PPIL2: variants seen among roughly 807,000 people sequenced by gnomAD.
PPIL2 encodes peptidylprolyl isomerase like 2, also known as RING-type E3 ubiquitin-protein ligase PPIL2.
A neutral mutation model predicts 75.2 loss-of-function variants in PPIL2; 50 were observed. That is an observed-to-expected ratio of 0.66 (90% confidence interval 0.53 to 0.84). The LOEUF is 0.84. Ranked by LOEUF, PPIL2 falls within the 40% of genes least tolerant of loss-of-function variation. The pLI, the probability that PPIL2 is intolerant of heterozygous loss-of-function variation, is 0.00. For synonymous variants in PPIL2, 245 were observed against 258.8 expected (o/e 0.95, Z 0.51); for missense variants, 590 against 685.0 (o/e 0.86, Z 1.55).
rs1215883724 is a variant in PPIL2 at position 21,671,189 on chromosome 22, GGCAGCAATGCT to G, written c.191+133_191+143del. ...GTAACAGCTAGGGCCTTGGGGACATGGCAGCAATGCTGCTGTGACCCTTGGGCAGGCAGCTC... is the reference window on the plus strand; with the variant it reads ...GTAACAGCTAGGGCCTTGGGGACATGGCTGTGACCCTTGGGCAGGCAGCTC... On this transcript the variant is annotated intron_variant, in intron 4 of 19. Coordinates refer to ENST00000398831, the MANE Select transcript of PPIL2 (RefSeq NM_014337.4). 1.4e-5 allele frequency: 13 copies of G among 899,072 alleles called. No homozygotes were observed. The African/African-American group carries it at 1.6e-4, about 11-fold the overall frequency. The allele number at this position is 899,072 out of a possible 1,614,324, so 55.7% of individuals were successfully genotyped here.
chr22:21,667,233 C>G (rs906419615), intron 1 of PPIL2, among the ~76,000 whole-genome samples: 2 of 149,376 alleles, frequency 1.3e-5, no homozygotes, highest in East Asian at 2.0e-4. Flanking sequence ...CTTGGCTCAC[C>G]GCAACCTCCG....
At position 21,696,988 on chromosome 22, in the gene PPIL2, C is replaced by A; in HGVS notation, c.*1498C>A. ...AGAACAAGAACTGCGCCATGGCTGGCTCCTTCTCTTCTCCAGCCCATCCCT... is the reference window on the plus strand; with the variant it reads ...AGAACAAGAACTGCGCCATGGCTGGATCCTTCTCTTCTCCAGCCCATCCCT... On this transcript the variant is annotated 3_prime_UTR_variant, in exon 20 of 20. Coordinates refer to ENST00000398831, the MANE Select transcript of PPIL2 (RefSeq NM_014337.4). 1 of 1,552,562 alleles carries A rather than the reference C, an allele frequency of 6.4e-7. No homozygotes were observed. Among genetic ancestry groups the A allele is most frequent in the Non-Finnish European group, 8.7e-7 (1 of 1,148,322 alleles).
At chr22:21,684,630 C>T in intron 9 of PPIL2, 123 bp from the exon 10 acceptor site, 3 of 1,239,174 alleles carry the variant, frequency 2.4e-6, no homozygotes, top group South Asian at 1.6e-5. Flanking sequence ...CTGTGGCTGG[C>T]AGTGGCACGG....
intron 6 of PPIL2, among the ~76,000 whole-genome samples, chr22:21,680,480 G>A (rs1204611989): frequency 6.6e-6 from 1 of 152,098 alleles, no homozygotes; most frequent in Non-Finnish European, 1.5e-5. Flanking sequence ...GCAGTGAGCC[G>A]AGATCACGCT....
In PPIL2 at chr22:21,692,304, C is replaced by A. The variant is rs569794035; in HGVS notation, c.1140-1512C>A. ...CCTAGTAGCTGGGACTACAGGCGCC[C>A]GCCACACGCCTGGCTAATTTTTTGT... is the stretch of plus-strand genomic sequence containing the variant. On this transcript the variant is annotated intron_variant, in intron 15 of 19. Transcript: ENST00000398831. 5.5e-4 allele frequency among the ~76,000 whole-genome samples: 83 copies of A among 152,038 alleles called. 2 individuals carry two copies. In the South Asian group the frequency reaches 0.012, roughly 21 times the overall value.
chr22:21,676,812 C>A (rs919470053), intron 6 of PPIL2, among the ~76,000 whole-genome samples: 1 of 152,208 alleles, frequency 6.6e-6, no homozygotes, highest in African/African-American at 2.4e-5. Flanking sequence ...CCACATTTCC[C>A]CCTTTTCTAT....
Position 21,684,905 on chromosome 22 carries a change from C to T in PPIL2, c.706C>T (p.Leu236=). ...KAPEKKKVDK[L]NAAHYSTGKV... is the part of the protein sequence containing the mutation. ...CCCGGAGAAGAAGAAAGTGGACAAG[C>T]TGAACGCTGTGAGTGGCGGAGGGCA... Residue 236 remains leucine (L), a synonymous_variant, in exon 10 of 20, where the codon CTG becomes TTG. Transcript: ENST00000398831. The T allele has an allele frequency of 1.2e-6, 2 of 1,613,966 alleles. No homozygotes were observed. The highest frequency in any genetic ancestry group is 1.7e-6 in the Non-Finnish European group (2 of 1,179,858).
intron 9 of PPIL2, 77 bp from the exon 10 acceptor site, chr22:21,684,676 T>C (rs1393309701): frequency 6.4e-7 from 1 of 1,555,958 alleles, no homozygotes; most frequent in Admixed American, 1.9e-5. Flanking sequence ...TGGGCTATTC[T>C]AGATCTGTGT....
In PPIL2 at chr22:21,695,006, G is replaced by C; in HGVS notation, c.1402G>C (p.Ala468Pro). 1 of 1,613,536 alleles carries C rather than the reference G, an allele frequency of 6.2e-7. No individual in the cohort carries two copies. Among genetic ancestry groups the C allele is most frequent in the South Asian group, 1.1e-5 (1 of 91,090 alleles). ...ETKVKSSQPQ[A>P]GSQGPQTFRQ... is the part of the protein sequence containing the mutation. ...CAAAGTGAAGAGCAGCCAGCCCCAGGCAGGGAGCCAGGGCCCCCAGACCTT... is the reference window on the plus strand; with the variant it reads ...CAAAGTGAAGAGCAGCCAGCCCCAGCCAGGGAGCCAGGGCCCCCAGACCTT... The change falls in exon 19 of 20, where the codon GCA becomes CCA. Residue 468 changes from alanine (A) to proline (P), a missense_variant. Ala to Pro is a conservative substitution (Grantham distance 27). Transcript: ENST00000398831.
chr22:21,670,761 C>T lies in PPIL2; in HGVS notation c.128+150C>T, dbSNP rs1601508427. 2.2e-5 allele frequency: 21 copies of T among 963,518 alleles called. No homozygotes were observed. In the South Asian group the frequency reaches 2.7e-4, roughly 12 times the overall value. The allele number at this position is 963,518 out of a possible 1,614,324, so 59.7% of individuals were successfully genotyped here. On this transcript the variant is annotated intron_variant, in intron 3 of 19. Transcript: ENST00000398831. ...TCATGTTGGGAGAAGATGCAGAGTCCTCGTCATGATGTTAGGAGCTTGCCT... is the reference window on the plus strand; with the variant it reads ...TCATGTTGGGAGAAGATGCAGAGTCTTCGTCATGATGTTAGGAGCTTGCCT...
intron 15 of PPIL2, among the ~76,000 whole-genome samples, chr22:21,693,504 C>G (rs535877169): frequency 6.6e-6 from 1 of 152,372 alleles, no homozygotes; most frequent in South Asian, 2.1e-4. Context: ...GTCCCCTCGT[C>G]CCAGCCACCT....
At chr22:21,673,516 C>G (rs560576887) in intron 5 of PPIL2, 15 of 152,482 alleles carry the variant, frequency 9.8e-5, no homozygotes, top group African/African-American at 3.6e-4. Flanking sequence ...TTCACAGGTA[C>G]TCTTTGGGGT....
chr22:21,670,133 G>C, intron 2 of PPIL2, 171 bp downstream of exon 2: 1 of 876,174 alleles, frequency 1.1e-6, no homozygotes, highest in Non-Finnish European at 1.7e-6. Flanking sequence ...AGAAGAACCT[G>C]CTTCATCTTA....
intron 19 of PPIL2, 161 bp downstream of exon 19, chr22:21,695,231 C>T (rs2067869546): frequency 7.5e-7 from 1 of 1,331,920 alleles, no homozygotes; most frequent in Non-Finnish European, 1.0e-6. Flanking sequence ...CCTCTGAAGG[C>T]CTGGCCGGGG....
chr22:21,676,586 A>G (rs1011115207), intron 6 of PPIL2, among the ~76,000 whole-genome samples: 2 of 151,848 alleles, frequency 1.3e-5, no homozygotes, highest in East Asian at 1.9e-4. Context: ...GCTGCCTTCA[A>G]GCATCTGTTT....
chr22:21,670,002 G>C (rs778104711), intron 2 of PPIL2, 40 bp downstream of exon 2: 1 of 1,576,302 alleles, frequency 6.3e-7, no homozygotes, highest in Admixed American at 1.7e-5. Context: ...TGGGGGAGTG[G>C]TATTAAGGAA....
chr22:21,686,538 C>A lies in PPIL2; in HGVS notation c.770C>A (p.Pro257Gln). 1.2e-6 allele frequency: 2 copies of A among 1,614,140 alleles called. No homozygotes were observed. The highest frequency in any genetic ancestry group is 1.7e-6 in the Non-Finnish European group (2 of 1,179,998). The change falls in exon 11 of 20, where the codon CCG becomes CAG. Residue 257 changes from proline to glutamine, a missense_variant. Physicochemically the swap from Pro to Gln is moderately conservative, Grantham distance 76. Transcript: ENST00000398831. ...SASFTSTAMV[P>Q]ETTHEAAAID... ...TCCTTCACCTCCACCGCGATGGTCCCGGAGACCACACATGAAGCAGGTAGC... is the reference window on the plus strand; with the variant it reads ...TCCTTCACCTCCACCGCGATGGTCCAGGAGACCACACATGAAGCAGGTAGC...
chr22:21,686,294 A>G (rs1328690673), intron 10 of PPIL2, among the ~76,000 whole-genome samples, 189 bp from the exon 11 acceptor site: 3 of 152,218 alleles, frequency 2.0e-5, no homozygotes, highest in Admixed American at 6.5e-5. Context: ...AGTGGAGGCC[A>G]GGGGACCCTG....
rs748415597 is a variant in PPIL2, at chr22:21,682,493, G to T, written c.444G>T (p.Glu148Asp). ...AKNFRDLLTD[E>D]PFSRQDIITL... Reference sequence around the variant, plus strand: ...ACTTCCGGGACCTGCTGACCGACGAGCCCTTCTCCCGGCAGGACATCATCA... The same window carrying T: ...ACTTCCGGGACCTGCTGACCGACGATCCCTTCTCCCGGCAGGACATCATCA... Residue 148 changes from glutamate to aspartate, a missense_variant, in exon 8 of 20, where the codon GAG becomes GAT. Transcript: ENST00000398831. 4 of 1,601,358 alleles carry T rather than the reference G, an allele frequency of 2.5e-6. No homozygotes were observed. The Admixed American group carries it at 6.8e-5, about 27-fold the overall frequency.
Sources: allele counts gnomAD v4.1 joint callset (sites outside exome capture counted in the v4.1 genomes callset), GRCh38; gene constraint gnomAD v4.1.1; transcripts MANE v1.5; gene names NCBI Gene and HGNC (gene_info 2026-07-23, HGNC 2026-07-21).